Variants in UBE2H observed in about 807,000 individuals in gnomAD.
UBE2H encodes ubiquitin-conjugating enzyme E2 H.
UBE2H carries 3 observed loss-of-function variants against 29.0 expected under a neutral mutation model. The observed-to-expected ratio is 0.10, with a 90% confidence interval of 0.05 to 0.27. UBE2H has a LOEUF of 0.27. Ranked by LOEUF, UBE2H falls within the 10% of genes least tolerant of loss-of-function variation. The pLI is 1.00. For missense variants in UBE2H, 68 were observed against 228.2 expected, an observed-to-expected ratio of 0.30 and a Z score of 4.52; for synonymous variants, 69 against 82.9, an observed-to-expected ratio of 0.83 and a Z score of 0.91.
rs371256329 is a variant in UBE2H at position 129,891,215 on chromosome 7, C to T, written c.54-10244G>A. On this transcript the variant is annotated intron_variant, in intron 1 of 6. Transcript: ENST00000355621. ...TTTATTTTTTTTTGAGACGGAGTTT[C>T]ACTCTTGTTGCCCAGGCTGGAGTGC... 3.4e-4 allele frequency among the ~76,000 whole-genome samples: 52 copies of T among 151,306 alleles called. No individual in the cohort carries two copies. In the South Asian group the frequency reaches 0.01, roughly 30 times the overall value.
At chr7:129,910,100 A>T (rs1416224819) in intron 1 of UBE2H, among the ~76,000 whole-genome samples, 1 of 152,128 alleles carries the variant, frequency 6.6e-6, no homozygotes, top group East Asian at 1.9e-4. Flanking sequence ...AGGCTGAAGC[A>T]GGCATATCAC....
intron 1 of UBE2H, among the ~76,000 whole-genome samples, chr7:129,889,626 TC>T: frequency 6.6e-6 from 1 of 152,158 alleles, no homozygotes; most frequent in East Asian, 1.9e-4. Context: ...CAGTGCAAGC[TC>T]CGTAAGAGCA....
chr7:129,859,527 T>C (rs911113300), intron 3 of UBE2H, among the ~76,000 whole-genome samples: 4 of 152,160 alleles, frequency 2.6e-5, no homozygotes, highest in South Asian at 2.1e-4. Context: ...TTGATTAAAA[T>C]TGGGGCAACC....
At chr7:129,950,418 GTTCT>G (rs1326199013) in intron 1 of UBE2H, among the ~76,000 whole-genome samples, 1 of 151,954 alleles carries the variant, frequency 6.6e-6, no homozygotes, top group African/African-American at 2.4e-5. Context: ...ACACCCTGCT[GTTCT>G]TTGTCTGTTT....
chr7:129,932,919 T>C, intron 1 of UBE2H, among the ~76,000 whole-genome samples: 1 of 151,998 alleles, frequency 6.6e-6, no homozygotes, highest in East Asian at 1.9e-4. Flanking sequence ...ATCTTGGGGA[T>C]CCCTAGGGGG....
intron 5 of UBE2H, among the ~76,000 whole-genome samples, chr7:129,846,325 T>C (rs913034957): frequency 8.6e-5 from 13 of 151,222 alleles, no homozygotes; most frequent in African/African-American, 2.9e-4. Flanking sequence ...CTGGGCAACA[T>C]AGGGAGATCC....
At chr7:129,916,719 C>T (rs920480462) in intron 1 of UBE2H, among the ~76,000 whole-genome samples, 2 of 152,152 alleles carry the variant, frequency 1.3e-5, no homozygotes, top group African/African-American at 4.8e-5. Flanking sequence ...AGCATGTACA[C>T]GGCTAATGGC....
At chr7:129,867,737 A>AAAAAAAAAAAAAC in intron 3 of UBE2H, among the ~76,000 whole-genome samples, 1 of 138,748 alleles carries the variant, frequency 7.2e-6, no homozygotes, top group Non-Finnish European at 1.6e-5. Flanking sequence ...AAAAAAAAAA[A>AAAAAAAAAAAAAC]AAAAAGAAGA....
intron 5 of UBE2H, among the ~76,000 whole-genome samples, chr7:129,846,346 AAATAATAATAATAAT>A (rs71175044): frequency 1.4e-3 from 208 of 146,096 alleles, no homozygotes; most frequent in African/African-American, 4.1e-3. Context: ...GGTCTCTACA[AAATAATAATAATAAT>A]AATAATAATA....
intron 1 of UBE2H, among the ~76,000 whole-genome samples, chr7:129,893,597 G>A (rs1806543704): frequency 6.6e-6 from 1 of 152,128 alleles, no homozygotes; most frequent in South Asian, 2.1e-4. Flanking sequence ...AGGAAATATA[G>A]TCAAAACAAA....
At chr7:129,906,875 A>G (rs577062017) in intron 1 of UBE2H, among the ~76,000 whole-genome samples, 2 of 152,326 alleles carry the variant, frequency 1.3e-5, no homozygotes, top group East Asian at 3.9e-4. Context: ...AAAAGTCCAA[A>G]GTCCATGAAG....
chr7:129,896,468 C>T (rs751280472), intron 1 of UBE2H, among the ~76,000 whole-genome samples: 13 of 152,072 alleles, frequency 8.5e-5, no homozygotes, highest in Non-Finnish European at 1.3e-4. Flanking sequence ...GGCGAGATCC[C>T]GGCTCAGCTC....
chr7:129,943,621 G>A (rs1807692026), intron 1 of UBE2H, among the ~76,000 whole-genome samples: 1 of 152,168 alleles, frequency 6.6e-6, no homozygotes, highest in Non-Finnish European at 1.5e-5. Context: ...AACCAGATTG[G>A]CCAGGCATCG....
At chr7:129,836,179 T>C (rs1158201744) in intron 6 of UBE2H, among the ~76,000 whole-genome samples, 2 of 152,228 alleles carry the variant, frequency 1.3e-5, no homozygotes, top group African/African-American at 4.8e-5. Context: ...TTGAGAAATA[T>C]TTATTCAAAC....
chr7:129,931,395 G>GA (rs144385592), intron 1 of UBE2H, among the ~76,000 whole-genome samples: 10,569 of 145,502 alleles, frequency 0.073, 547 homozygotes, highest in East Asian at 0.26. Context: ...CTTGGGGAAA[G>GA]AAAAAAAAAA....
intron 1 of UBE2H, among the ~76,000 whole-genome samples, chr7:129,890,260 C>CGTATATATACACACGT (rs1554435600): frequency 3.9e-4 from 58 of 150,196 alleles, no homozygotes; most frequent in African/African-American, 1.4e-3. Flanking sequence ...TACATACACA[C>CGTATATATACACACGT]GTATATATAC....
chr7:129,863,233 A>G (rs1028297996), intron 3 of UBE2H, among the ~76,000 whole-genome samples: 3 of 152,216 alleles, frequency 2.0e-5, no homozygotes, highest in African/African-American at 4.8e-5. Flanking sequence ...ACGCTTTAGT[A>G]ATAAATGGTT....
intron 5 of UBE2H, among the ~76,000 whole-genome samples, chr7:129,856,589 G>C (rs995203724): frequency 1.3e-5 from 2 of 152,200 alleles, no homozygotes. Flanking sequence ...GAAGTATACG[G>C]GGTAGGAGCA....
intron 3 of UBE2H, among the ~76,000 whole-genome samples, chr7:129,867,343 T>C (rs1196229503): frequency 1.4e-5 from 2 of 147,642 alleles, no homozygotes; most frequent in South Asian, 2.2e-4. Context: ...ATGTGGCACA[T>C]ATACACCATG....
Sources: gnomAD v4.1 joint callset for allele counts (sites outside exome capture counted in the v4.1 genomes callset) on GRCh38, gnomAD v4.1.1 for gene constraint, MANE v1.5 for transcripts, NCBI Gene and HGNC (gene_info 2026-07-23, HGNC 2026-07-21) for gene names.